Variants in PPP2R5C observed in about 807,000 individuals in gnomAD.
The protein encoded by PPP2R5C is serine/threonine-protein phosphatase 2A 56 kDa regulatory subunit gamma isoform.
In PPP2R5C, 7 loss-of-function variants were observed where a neutral mutation model predicts 68.9. The observed-to-expected ratio is 0.10, with a 90% confidence interval of 0.06 to 0.19. PPP2R5C has a LOEUF of 0.19. PPP2R5C is among the 10% of genes least tolerant of loss of function. PPP2R5C has a pLI of 1.00. For missense variants in PPP2R5C, 348 were observed against 641.3 expected (o/e 0.54, Z 4.94); for synonymous variants, 210 against 222.2 (o/e 0.95, Z 0.49).
intron 1 of PPP2R5C, chr14:101,831,886 A>G (rs1394899932): frequency 1.5e-5 from 9 of 619,578 alleles, no homozygotes; most frequent in African/African-American, 3.6e-5. Context: ...GTTGAGTTTA[A>G]CTTGTCCAAA....
At chr14:101,887,785 A>G (rs4906160) in intron 5 of PPP2R5C, among the ~76,000 whole-genome samples, 5,366 of 152,244 alleles carry the variant, frequency 0.035, 203 homozygotes, top group East Asian at 0.095. Flanking sequence ...ACCTCTTCCC[A>G]TGAGGCCAGA....
At chr14:101,912,807 C>T (rs1290531693) in intron 12 of PPP2R5C, among the ~76,000 whole-genome samples, 1 of 152,198 alleles carries the variant, frequency 6.6e-6, no homozygotes, top group African/African-American at 2.4e-5. Context: ...ACTCAAACAG[C>T]ATTTCCCTTT....
At chr14:101,768,708 G>A (rs983568866) in intron 2 of PPP2R5C, among the ~76,000 whole-genome samples, 2 of 151,848 alleles carry the variant, frequency 1.3e-5, no homozygotes, top group Non-Finnish European at 2.9e-5. Context: ...CATAAAAACC[G>A]TTTTGACCTT....
chr14:101,856,831 C>G, exon 2 of PPP2R5C: 1 of 1,614,100 alleles, frequency 6.2e-7, no homozygotes, highest in East Asian at 2.2e-5. Flanking sequence ...TAGAATATAT[C>G]ACCCATAATC....
Position 101,835,567 on chromosome 14 carries a change from C to T in PPP2R5C, c.95-21119C>T, listed in dbSNP as rs75563323. Among the ~76,000 whole-genome samples, 4 of 152,178 alleles carry T rather than the reference C, an allele frequency of 2.6e-5. No individual in the cohort carries two copies. Among genetic ancestry groups the T allele is most frequent in the African/African-American group, 4.8e-5 (2 of 41,442 alleles). On this transcript the variant is annotated intron_variant, in intron 1 of 13. Transcript: ENST00000334743. The surrounding 1 kb of genome is among the most constrained non-coding windows in gnomAD (Gnocchi z 5.0). Reference sequence around the variant, plus strand: ...GCCCATGTCAAATTTGTATTAGGAACCATTGATTTCAATTCACGGGCTTTT... The same window carrying T: ...GCCCATGTCAAATTTGTATTAGGAATCATTGATTTCAATTCACGGGCTTTT...
At chr14:101,876,527 A>G (rs1170108592) in intron 2 of PPP2R5C, among the ~76,000 whole-genome samples, 4 of 152,238 alleles carry the variant, frequency 2.6e-5, no homozygotes, top group African/African-American at 4.8e-5. Context: ...TAACACATAC[A>G]GAAAGGCTGC....
chr14:101,883,214 TA>T (rs770939032), intron 3 of PPP2R5C, 42 bp from the exon 6 acceptor site: 3 of 1,364,648 alleles, frequency 2.2e-6, no homozygotes, highest in South Asian at 1.3e-5. Context: ...CGCCATTCAA[TA>T]AAATCTCATG....
intron 9 of PPP2R5C, among the ~76,000 whole-genome samples, chr14:101,903,421 A>G (rs1204488373): frequency 6.6e-6 from 1 of 152,164 alleles, no homozygotes; most frequent in Non-Finnish European, 1.5e-5. Context: ...ATGTCACAGA[A>G]GCCTTCACGT....
At position 101,765,057 on chromosome 14, in the gene PPP2R5C, T is replaced by A. The variant is rs1595101954; in HGVS notation, c.93+2087T>A. The A allele has an allele frequency of 1.2e-5, 8 of 652,970 alleles. No individual in the cohort carries two copies. In the East Asian group the frequency reaches 2.2e-4, roughly 18 times the overall value. 40.4% of individuals were successfully genotyped at this position (652,970 alleles called of 1,614,324 possible). ...ACCAAAATCACTACTATGTGAAATGTGTGTTTTGAAAGCAGTTTGCCAGCC... is the reference window on the plus strand; with the variant it reads ...ACCAAAATCACTACTATGTGAAATGAGTGTTTTGAAAGCAGTTTGCCAGCC... On this transcript the variant is annotated intron_variant, in intron 2 of 14. Transcript: ENST00000328724.
intron 3 of PPP2R5C, among the ~76,000 whole-genome samples, chr14:101,795,590 G>C (rs1213881140): frequency 2.0e-5 from 3 of 151,940 alleles, no homozygotes; most frequent in Non-Finnish European, 2.9e-5. Context: ...GAAAAGAAAA[G>C]ACTAGGAGAA....
intron 8 of PPP2R5C, among the ~76,000 whole-genome samples, chr14:101,898,142 C>T (rs1218521329): frequency 6.6e-6 from 1 of 152,064 alleles, no homozygotes; most frequent in Non-Finnish European, 1.5e-5. Context: ...TCCTGAGTGA[C>T]AGAGTAAGAC....
rs549605122 is a variant in PPP2R5C at position 101,799,096 on chromosome 14, G to T, written c.259+12913G>T. 3.3e-5 allele frequency among the ~76,000 whole-genome samples: 5 copies of T among 152,310 alleles called. No homozygotes were observed. In the South Asian group the frequency reaches 1.0e-3, roughly 32 times the overall value. On this transcript the variant is annotated intron_variant, in intron 3 of 14. Transcript: ENST00000328724. ...GGAACACCTGCATGCCAGCCATTCT[G>T]TAGGAGCTGGACCAAGGAAGAGCTT... is the stretch of plus-strand genomic sequence containing the variant.
intron 1 of PPP2R5C, among the ~76,000 whole-genome samples, chr14:101,844,971 G>A (rs2041733585): frequency 6.6e-6 from 1 of 152,120 alleles, no homozygotes; most frequent in Non-Finnish European, 1.5e-5. Flanking sequence ...CTGCACGAAG[G>A]GTGTTGAGCA....
At chr14:101,840,297 T>C (rs1287623895) in intron 1 of PPP2R5C, among the ~76,000 whole-genome samples, 1 of 151,984 alleles carries the variant, frequency 6.6e-6, no homozygotes, top group African/African-American at 2.4e-5. Flanking sequence ...TCTCTCATAG[T>C]CTCAAAAGAG....
exon 12 of PPP2R5C, chr14:101,912,444 A>G (rs1417648807): frequency 6.2e-7 from 1 of 1,603,632 alleles, no homozygotes; most frequent in Non-Finnish European, 8.5e-7. Context: ...ATGGGTTAAA[A>G]TAGAAAATCT....
chr14:101,846,009 G>A (rs1277881028), intron 1 of PPP2R5C, among the ~76,000 whole-genome samples: 1 of 152,188 alleles, frequency 6.6e-6, no homozygotes, highest in Non-Finnish European at 1.5e-5. Context: ...CCCACACGGA[G>A]TGGAAAGATG....
rs184927691 is a variant in PPP2R5C, at chr14:101,797,250, G to A, written c.259+11067G>A. ...TAGCACGTGCCAGACCCTCGCTCCCGTCGAAGGCTGATGCCATCCTTCAGT... is the reference window on the plus strand; with the variant it reads ...TAGCACGTGCCAGACCCTCGCTCCCATCGAAGGCTGATGCCATCCTTCAGT... On this transcript the variant is annotated intron_variant, in intron 3 of 14. Coordinates refer to the PPP2R5C transcript ENST00000328724. The surrounding 1 kb of genome is among the most constrained non-coding windows in gnomAD (Gnocchi z 4.2). The A allele has an allele frequency of 8.8e-5, 40 of 455,976 alleles. No homozygotes were observed. The highest frequency in any genetic ancestry group is 6.6e-4 in the African/African-American group (33 of 50,144). The allele number at this position is 455,976 out of a possible 1,614,324, so 28.2% of individuals were successfully genotyped here.
chr14:101,858,854 T>C (rs187590885), intron 2 of PPP2R5C, among the ~76,000 whole-genome samples: 1 of 152,332 alleles, frequency 6.6e-6, no homozygotes, highest in African/African-American at 2.4e-5. Flanking sequence ...GAACCGAGTG[T>C]GCTCCCGACT....
chr14:101,833,796 G>GT (rs763189643), intron 1 of PPP2R5C, among the ~76,000 whole-genome samples: 91 of 152,066 alleles, frequency 6.0e-4, no homozygotes, highest in South Asian at 8.3e-4. Flanking sequence ...CAATCCAAGG[G>GT]TTTTTTTGGC....
Sources: gnomAD v4.1 joint callset for allele counts (sites outside exome capture counted in the v4.1 genomes callset) on GRCh38, gnomAD v4.1.1 for gene constraint, Gnocchi (gnomAD v3.1) non-coding constraint, MANE v1.5 for transcripts, NCBI Gene and HGNC (gene_info 2026-07-23, HGNC 2026-07-21) for gene names.